TRPC4: variants seen among roughly 807,000 people sequenced by gnomAD.
TRPC4 encodes the protein short transient receptor potential channel 4.
TRPC4 carries 49 observed loss-of-function variants against 99.4 expected under a neutral mutation model. That is an observed-to-expected ratio of 0.49 (90% CI 0.39 to 0.63). The LOEUF (loss-of-function observed/expected upper bound fraction) is 0.63. TRPC4 is among the 20% of genes least tolerant of loss of function. The pLI, the probability that TRPC4 is intolerant of heterozygous loss-of-function variation, is 0.00. For synonymous variants in TRPC4, 454 were observed against 425.9 expected (o/e 1.07, Z -0.81); for missense variants, 898 against 1,152.9 (o/e 0.78, Z 3.20).
intron 1 of TRPC4, among the ~76,000 whole-genome samples, chr13:37,838,749 G>C (rs1287278365): frequency 6.6e-6 from 1 of 151,952 alleles, no homozygotes; most frequent in Non-Finnish European, 1.5e-5. Flanking sequence ...TCTTACTCTT[G>C]TATAGAGAGA....
At chr13:37,717,225 C>T (rs937248255) in intron 3 of TRPC4, among the ~76,000 whole-genome samples, 7 of 152,036 alleles carry the variant, frequency 4.6e-5, no homozygotes, top group African/African-American at 1.7e-4. Flanking sequence ...TATACTGAAG[C>T]TTTTCACAGA....
At position 37,848,347 on chromosome 13, in the gene TRPC4, A is replaced by T. The variant is rs779221942; in HGVS notation, c.-28+21248T>A. Among the ~76,000 whole-genome samples, 106 of 152,176 alleles carry T rather than the reference A, an allele frequency of 7.0e-4. 3 individuals carry two copies. Among genetic ancestry groups the T allele is most frequent in the Non-Finnish European group, 1.2e-4 (8 of 68,030 alleles). On this transcript the variant is annotated intron_variant, in intron 1 of 10. Coordinates refer to ENST00000379705, the MANE Select transcript of TRPC4 (RefSeq NM_016179.4). ...AAATGTACAGTATATCTTTTTGTCCATCAAAAAACTTTAATATAAAAACCA... is the reference window on the plus strand; with the variant it reads ...AAATGTACAGTATATCTTTTTGTCCTTCAAAAAACTTTAATATAAAAACCA...
chr13:37,766,591 A>G (rs1293149354), intron 2 of TRPC4, among the ~76,000 whole-genome samples: 5 of 151,472 alleles, frequency 3.3e-5, no homozygotes, highest in African/African-American at 4.8e-5. Flanking sequence ...AGAATGATTC[A>G]TGAATGAGGA....
chr13:37,647,812 C>T (rs1951897080), intron 8 of TRPC4, among the ~76,000 whole-genome samples: 1 of 152,166 alleles, frequency 6.6e-6, no homozygotes, highest in Non-Finnish European at 1.5e-5. Context: ...ACATAATAAA[C>T]TATCAGGAGG....
At chr13:37,769,342 A>G (rs1956481905) in intron 2 of TRPC4, among the ~76,000 whole-genome samples, 1 of 151,398 alleles carries the variant, frequency 6.6e-6, no homozygotes, top group Non-Finnish European at 1.5e-5. Flanking sequence ...CAACAGGTGA[A>G]CATCGATCCC....
intron 6 of TRPC4, among the ~76,000 whole-genome samples, chr13:37,660,830 C>T (rs1030341090): frequency 1.3e-5 from 2 of 152,000 alleles, no homozygotes; most frequent in Non-Finnish European, 2.9e-5. Context: ...AAATTAAAAA[C>T]CAAAGAAAGC....
chr13:37,771,676 G>A (rs764222225), intron 2 of TRPC4, among the ~76,000 whole-genome samples: 2 of 151,366 alleles, frequency 1.3e-5, no homozygotes, highest in Non-Finnish European at 3.0e-5. Context: ...ATTAATAATA[G>A]ACCATCAGCA....
At chr13:37,753,215 C>T (rs1397751331) in intron 2 of TRPC4, among the ~76,000 whole-genome samples, 1 of 151,846 alleles carries the variant, frequency 6.6e-6, no homozygotes, top group Non-Finnish European at 1.5e-5. Context: ...ATGAGAGATA[C>T]ATTTATAAAA....
chr13:37,665,267 A>G (rs1350414363), intron 5 of TRPC4, among the ~76,000 whole-genome samples: 1 of 152,154 alleles, frequency 6.6e-6, no homozygotes, highest in Admixed American at 6.5e-5. Flanking sequence ...CTGTCCCCCT[A>G]TAATTGATAG....
At chr13:37,812,176 C>CA (rs61607544) in intron 1 of TRPC4, among the ~76,000 whole-genome samples, 1,502 of 55,156 alleles carry the variant, frequency 0.027, 109 homozygotes, top group Middle Eastern at 0.071. Context: ...GAGACTCTAT[C>CA]AAAAAAAAAA....
chr13:37,667,715 T>A (rs183549650), intron 5 of TRPC4, among the ~76,000 whole-genome samples: 22 of 152,334 alleles, frequency 1.4e-4, no homozygotes, highest in African/African-American at 5.1e-4. Flanking sequence ...TTCAACTTGC[T>A]ACATAAAGCC....
At chr13:37,709,314 A>G (rs750972589) in intron 3 of TRPC4, among the ~76,000 whole-genome samples, 5 of 152,020 alleles carry the variant, frequency 3.3e-5, no homozygotes, top group Non-Finnish European at 7.4e-5. Context: ...TTTTAAGAAA[A>G]TCCAAAACAT....
At chr13:37,768,849 A>C (rs1041538019) in intron 2 of TRPC4, among the ~76,000 whole-genome samples, 3 of 151,482 alleles carry the variant, frequency 2.0e-5, no homozygotes, top group Non-Finnish European at 4.4e-5. Flanking sequence ...ATTGAAAAAC[A>C]ACCTTTGCCT....
chr13:37,819,910 C>T (rs896375082), intron 1 of TRPC4, among the ~76,000 whole-genome samples: 2 of 150,076 alleles, frequency 1.3e-5, no homozygotes, highest in African/African-American at 2.4e-5. Context: ...GGCCAGCCAA[C>T]CCCAAATCTA....
At chr13:37,820,120 A>C (rs1470807365) in intron 1 of TRPC4, among the ~76,000 whole-genome samples, 1 of 151,992 alleles carries the variant, frequency 6.6e-6, no homozygotes, top group Non-Finnish European at 1.5e-5. Context: ...TATTACCACC[A>C]ACCTCACAGA....
chr13:37,842,284 A>C (rs1387595217), intron 1 of TRPC4, among the ~76,000 whole-genome samples: 1 of 148,048 alleles, frequency 6.8e-6, no homozygotes, highest in African/African-American at 2.5e-5. Context: ...AAAAAAAAAA[A>C]ACCTTATACA....
chr13:37,761,241 C>T (rs1956215222), intron 2 of TRPC4, among the ~76,000 whole-genome samples: 1 of 151,882 alleles, frequency 6.6e-6, no homozygotes, highest in African/African-American at 2.4e-5. Context: ...TCATCTCAGT[C>T]AATCCTCAAA....
chr13:37,655,343 A>G (rs2138639881), intron 6 of TRPC4, 60 bp from the exon 7 acceptor site: 1 of 951,642 alleles, frequency 1.1e-6, no homozygotes, highest in Non-Finnish European at 1.4e-6. Flanking sequence ...TACATGGGAT[A>G]AAACAATAAA....
chr13:37,727,843 T>C (rs534434307), intron 3 of TRPC4, among the ~76,000 whole-genome samples: 2 of 152,156 alleles, frequency 1.3e-5, no homozygotes, highest in African/African-American at 4.8e-5. Context: ...ACCAAGACTA[T>C]CATTATCAAA....
Sources: allele counts gnomAD v4.1 joint callset (sites outside exome capture counted in the v4.1 genomes callset), GRCh38; gene constraint gnomAD v4.1.1; transcripts MANE v1.5; gene names NCBI Gene and HGNC (gene_info 2026-07-23, HGNC 2026-07-21).